Variants in FOXP2 observed in about 807,000 individuals in gnomAD.
FOXP2 encodes forkhead box P2, also known as forkhead box protein P2.
FOXP2 carries 12 observed loss-of-function variants against 115.8 expected under a neutral mutation model. The ratio of observed to expected loss-of-function variants is 0.10; its 90% CI spans 0.07 to 0.17. The LOEUF (loss-of-function observed/expected upper bound fraction) is 0.17. Among genes scored for constraint, FOXP2 ranks in the 10% least tolerant of loss-of-function variants. The probability of loss-of-function intolerance (pLI) is 1.00; values close to 1 mark genes in which losing one functional copy is unlikely to be tolerated. For synonymous variants in FOXP2, 328 were observed against 297.7 expected, an observed-to-expected ratio of 1.10 and a Z score of -1.05; for missense variants, 629 against 843.5, an observed-to-expected ratio of 0.75 and a Z score of 3.15.
intron 2 of FOXP2, among the ~76,000 whole-genome samples, chr7:114,316,113 C>G (rs1252159108): frequency 6.6e-6 from 1 of 152,096 alleles, no homozygotes; most frequent in Non-Finnish European, 1.5e-5. Flanking sequence ...ACAGTGTCAC[C>G]TTGTCTAACT....
intron 2 of FOXP2, among the ~76,000 whole-genome samples, chr7:114,449,626 G>C (rs946030822): frequency 4.3e-4 from 65 of 152,056 alleles, no homozygotes; most frequent in African/African-American, 1.5e-3. Context: ...ATAGAATCTT[G>C]AATACTCACC....
At chr7:114,538,999 T>G (rs926839994) in intron 3 of FOXP2, among the ~76,000 whole-genome samples, 1 of 152,022 alleles carries the variant, frequency 6.6e-6, no homozygotes, top group Admixed American at 6.6e-5. Flanking sequence ...TAAAAATTAT[T>G]TAACCAATGT....
chr7:114,468,955 A>G (rs929948382), intron 2 of FOXP2, among the ~76,000 whole-genome samples: 4 of 152,206 alleles, frequency 2.6e-5, no homozygotes, highest in African/African-American at 9.6e-5. Flanking sequence ...GATTTTGCAC[A>G]TAAGAACTCT....
chr7:114,164,855 A>G (rs1792934149), intron 1 of FOXP2, among the ~76,000 whole-genome samples: 1 of 152,112 alleles, frequency 6.6e-6, no homozygotes, highest in African/African-American at 2.4e-5. Context: ...TCACAGAAAA[A>G]TCTTGGTGAC....
chr7:114,481,806 A>G (rs965129910), intron 2 of FOXP2, among the ~76,000 whole-genome samples: 2 of 148,640 alleles, frequency 1.3e-5, no homozygotes, highest in East Asian at 3.9e-4. Flanking sequence ...CTATCTATCT[A>G]TCTATATATC....
intron 2 of FOXP2, among the ~76,000 whole-genome samples, chr7:114,375,035 GAA>G (rs1792107790): frequency 6.6e-6 from 1 of 152,044 alleles, no homozygotes. Flanking sequence ...TGGAAACACA[GAA>G]AAGTTATATT....
intron 1 of FOXP2, among the ~76,000 whole-genome samples, chr7:114,213,584 T>G (rs979251159): frequency 1.3e-5 from 2 of 152,214 alleles, no homozygotes; most frequent in Non-Finnish European, 2.9e-5. Context: ...TTATATATCT[T>G]TAAAAACTAT....
At chr7:114,432,540 C>T (rs1008356796) in intron 2 of FOXP2, among the ~76,000 whole-genome samples, 6 of 151,874 alleles carry the variant, frequency 4.0e-5, no homozygotes, top group Admixed American at 3.9e-4. Context: ...TAGAATTTAT[C>T]TTTAAATTAC....
At chr7:114,240,979 A>C (rs534618116) in intron 1 of FOXP2, among the ~76,000 whole-genome samples, 5 of 152,094 alleles carry the variant, frequency 3.3e-5, no homozygotes, top group African/African-American at 1.2e-4. Context: ...TAATCATATA[A>C]AGATGTCAAG....
intron 1 of FOXP2, among the ~76,000 whole-genome samples, chr7:114,178,537 A>G (rs1226009868): frequency 2.0e-5 from 3 of 151,962 alleles, no homozygotes; most frequent in African/African-American, 7.2e-5. Flanking sequence ...GAATTTTATG[A>G]AAATTTCATG....
chr7:114,158,633 G>A (rs967854798), upstream of FOXP2, among the ~76,000 whole-genome samples: 5 of 151,996 alleles, frequency 3.3e-5, no homozygotes, highest in Non-Finnish European at 7.4e-5. Flanking sequence ...ATTTTATTTT[G>A]TGACCCTTAT....
chr7:114,622,924 C>T (rs1335825512), intron 3 of FOXP2, among the ~76,000 whole-genome samples: 5 of 151,864 alleles, frequency 3.3e-5, no homozygotes, highest in Admixed American at 2.0e-4. Flanking sequence ...GGATCTAGCT[C>T]ACTAGCCATA....
chr7:114,386,561 G>C (rs1483978785), intron 2 of FOXP2, among the ~76,000 whole-genome samples: 1 of 152,330 alleles, frequency 6.6e-6, no homozygotes, highest in East Asian at 1.9e-4. Context: ...GGAGCAGACC[G>C]TGGGAGTCAT....
At chr7:114,156,636 A>AGGTC (rs1422755946) in intron 1 of FOXP2, among the ~76,000 whole-genome samples, 1 of 152,158 alleles carries the variant, frequency 6.6e-6, no homozygotes, top group Non-Finnish European at 1.5e-5. Flanking sequence ...AACCAAGCTA[A>AGGTC]GGTCAACAAC....
intron 2 of FOXP2, among the ~76,000 whole-genome samples, chr7:114,365,095 A>AT (rs1340943582): frequency 1.3e-5 from 2 of 152,092 alleles, no homozygotes; most frequent in African/African-American, 2.4e-5. Flanking sequence ...TTCACTTTTA[A>AT]TTTTTTTTCT....
At chr7:114,235,652 G>A (rs1794989960) in intron 1 of FOXP2, among the ~76,000 whole-genome samples, 1 of 152,064 alleles carries the variant, frequency 6.6e-6, no homozygotes, top group Non-Finnish European at 1.5e-5. Flanking sequence ...TGTCATCTCT[G>A]CTCCTTACTG....
intron 1 of FOXP2, among the ~76,000 whole-genome samples, chr7:114,243,939 T>C (rs1179751145): frequency 6.6e-6 from 1 of 151,970 alleles, no homozygotes; most frequent in East Asian, 1.9e-4. Flanking sequence ...GTTTTGTTTT[T>C]GTGTTTTAGG....
chr7:114,212,792 A>G (rs59531536), intron 1 of FOXP2, among the ~76,000 whole-genome samples: 5,310 of 152,300 alleles, frequency 0.035, 268 homozygotes, highest in African/African-American at 0.12. Context: ...GAGAAAAACA[A>G]CAACAACATC....
At chr7:114,198,629 C>T (rs1055429543) in intron 1 of FOXP2, among the ~76,000 whole-genome samples, 9 of 152,142 alleles carry the variant, frequency 5.9e-5, no homozygotes, top group Admixed American at 1.3e-4. Context: ...GGTCACTTGG[C>T]GGGGCTCACC....
Sources: allele counts gnomAD v4.1 joint callset (sites outside exome capture counted in the v4.1 genomes callset), GRCh38; gene constraint gnomAD v4.1.1; transcripts MANE v1.5; gene names NCBI Gene and HGNC (gene_info 2026-07-23, HGNC 2026-07-21).